The following A2M variants were observed in gnomAD, a reference collection of about 807,000 sequenced individuals.
The protein encoded by A2M is C3 and PZP-like alpha-2-macroglobulin domain-containing protein 5.
A neutral mutation model predicts 183.9 loss-of-function variants in A2M; 128 were observed. The ratio of observed to expected loss-of-function variants is 0.70; its 90% confidence interval spans 0.60 to 0.81. The LOEUF (loss-of-function observed/expected upper bound fraction) is 0.81. Ranked by LOEUF, A2M falls within the 30% of genes least tolerant of loss-of-function variation. The pLI, the probability that A2M is intolerant of heterozygous loss-of-function variation, is 0.00. For synonymous variants in A2M, 592 were observed against 670.8 expected, an observed-to-expected ratio of 0.88 and a Z score of 1.81; for missense variants, 1,495 against 1,787.6, an observed-to-expected ratio of 0.84 and a Z score of 2.95.
chr12:9,114,391 G>T (rs1269075224), intron 1 of A2M, among the ~76,000 whole-genome samples: 1 of 152,046 alleles, frequency 6.6e-6, no homozygotes, highest in African/African-American at 2.4e-5. Context: ...ATGATTTTAA[G>T]TAATAGCAAA....
chr12:9,093,922 A>C (rs750756270), intron 17 of A2M, among the ~76,000 whole-genome samples: 6 of 152,128 alleles, frequency 3.9e-5, no homozygotes, highest in South Asian at 2.1e-4. Flanking sequence ...CAAACAACAA[A>C]AAAAAACAAG....
chr12:9,079,943 G>C (rs1421698223), intron 23 of A2M, 128 bp from the exon 24 acceptor site: 2 of 1,057,444 alleles, frequency 1.9e-6, no homozygotes, highest in South Asian at 2.2e-5. Flanking sequence ...TCCAGGGATA[G>C]AAGTATGATT....
chr12:9,090,408 G>C lies in A2M; in HGVS notation c.2544C>G (p.Ile848Met), dbSNP rs1229199892. ...ACACAGTTTGCCGCCCGTTTGCACA[G>C]ATGCAGTGAGGCGCTTGTTCCTTCT... ...PVEKEQAPHC[I>M]CANGRQTVSW... The change falls in exon 20 of 36, where the codon ATC becomes ATG. Residue 848 changes from isoleucine (I) to methionine (M), a missense_variant. Transcript: ENST00000318602. 1.2e-6 allele frequency: 2 copies of C among 1,613,912 alleles called. No homozygotes were observed. The highest frequency in any genetic ancestry group is 1.7e-6 in the Non-Finnish European group (2 of 1,179,898).
intron 17 of A2M, 94 bp from the exon 18 acceptor site, chr12:9,093,673 A>T (rs11048885): frequency 1.4e-6 from 1 of 707,092 alleles, no homozygotes; most frequent in Non-Finnish European, 2.2e-6. Context: ...AAAACAAAAA[A>T]CAAATCGTCT....
At chr12:9,107,429 A>G (rs1375160440) in intron 8 of A2M, 95 bp downstream of exon 8, 1 of 1,449,298 alleles carries the variant, frequency 6.9e-7, no homozygotes, top group Non-Finnish European at 9.4e-7. Flanking sequence ...TCTCTTCTAG[A>G]TTGTTCTCTT....
At chr12:9,109,706 C>T (rs1350633142) in intron 6 of A2M, among the ~76,000 whole-genome samples, 161 bp downstream of exon 6, 3 of 152,160 alleles carry the variant, frequency 2.0e-5, no homozygotes, top group Non-Finnish European at 4.4e-5. Flanking sequence ...GTCCTATTCA[C>T]AGATCACTGA....
In A2M at chr12:9,105,546, T is replaced by C. The variant is rs1028220848; in HGVS notation, c.1104+690A>G. On this transcript the variant is annotated intron_variant, in intron 10 of 35. Transcript: ENST00000318602. The stretch of plus-strand genomic sequence containing the variant: ...GAAAATGATACACAGTAAATACACA[T>C]TGAGGCACATGTAACTGTGATCTCA... Among the ~76,000 whole-genome samples, 5 of 152,154 alleles carry C rather than the reference T, an allele frequency of 3.3e-5. No homozygotes were observed. In the South Asian group the frequency reaches 8.3e-4, roughly 25 times the overall value.
chr12:9,076,979 G>T, intron 27 of A2M, 43 bp from the exon 28 acceptor site: 1 of 1,494,530 alleles, frequency 6.7e-7, no homozygotes, highest in Non-Finnish European at 8.9e-7. Flanking sequence ...ATGTAAACAG[G>T]CATATTAGCA....
chr12:9,087,992 A>G (rs1190262648), intron 22 of A2M, among the ~76,000 whole-genome samples: 2 of 152,166 alleles, frequency 1.3e-5, no homozygotes, highest in East Asian at 3.9e-4. Flanking sequence ...ACTAAGCAGA[A>G]TTGTGATGTA....
intron 25 of A2M, among the ~76,000 whole-genome samples, chr12:9,079,035 A>C (rs921731615): frequency 4.6e-5 from 7 of 152,060 alleles, no homozygotes; most frequent in African/African-American, 1.7e-4. Flanking sequence ...TATTAATAGG[A>C]TCCATTTTGG....
intron 22 of A2M, among the ~76,000 whole-genome samples, chr12:9,081,502 G>A (rs7968640): frequency 0.38 from 57,358 of 152,062 alleles, 11,535 homozygotes; most frequent in African/African-American, 0.49. Flanking sequence ...AGTCCAACTA[G>A]CTGCTATCCA....
chr12:9,095,268 T>C (rs1033842528), intron 16 of A2M, among the ~76,000 whole-genome samples, 184 bp from the exon 17 acceptor site: 6 of 152,228 alleles, frequency 3.9e-5, no homozygotes, highest in African/African-American at 1.4e-4. Context: ...TTAAACTCTT[T>C]CAACAGTAAT....
In A2M at chr12:9,077,430, CGA is replaced by C. The variant is rs1171332762; in HGVS notation, c.3277-12_3277-11del. 2.5e-6 allele frequency: 4 copies of C among 1,608,282 alleles called. No individual in the cohort carries two copies. The highest frequency in any genetic ancestry group is 2.2e-5 in the East Asian group (1 of 44,834). On this transcript the variant is annotated splice_polypyrimidine_tract_variant and intron_variant, in intron 26 of 35. Transcript: ENST00000318602. ...CATCTTCTACTCCTCCCTGTGAATA[CGA>C]GAGAGAGATCTGAATAATTCAACTT...
upstream of A2M, chr12:9,115,984 C>T: frequency 1.3e-6 from 1 of 743,774 alleles, no homozygotes; most frequent in South Asian, 1.5e-5. Context: ...TCCACCCACA[C>T]AAGATCTCTA....
At chr12:9,070,347 G>T in intron 32 of A2M, 141 bp downstream of exon 32, 1 of 648,626 alleles carries the variant, frequency 1.5e-6, no homozygotes, top group Non-Finnish European at 2.7e-6. Flanking sequence ...AAACACATGT[G>T]ATTATATTTC....
chr12:9,107,714 C>T, intron 7 of A2M, 70 bp from the exon 8 acceptor site: 1 of 1,569,638 alleles, frequency 6.4e-7, no homozygotes, highest in Admixed American at 1.7e-5. Context: ...CTATTTATAT[C>T]TCCCCTTTAG....
intron 28 of A2M, 70 bp from the exon 29 acceptor site, chr12:9,074,853 A>G: frequency 6.8e-7 from 1 of 1,463,164 alleles, no homozygotes; most frequent in Non-Finnish European, 9.3e-7. Flanking sequence ...AAAGTACCCA[A>G]GCCAGTGCTG....
Position 9,078,330 on chromosome 12 carries a change from G to A in A2M, c.3120-473C>T, listed in dbSNP as rs138797473. Among the ~76,000 whole-genome samples the A allele has an allele frequency of 1.0e-2, 1,518 of 152,228 alleles. 20 individuals carry two copies. Among genetic ancestry groups the A allele is most frequent in the South Asian group, 0.028 (135 of 4,826 alleles). On this transcript the variant is annotated intron_variant, in intron 25 of 35. Coordinates refer to ENST00000318602, the MANE Select transcript of A2M (RefSeq NM_000014.6). ...CCTGTGTTAGTTTGCTGAGGCTGAT[G>A]GCTTCCAGCTTCATCCATGTCCCTG...
chr12:9,110,425 A>C (rs1050105172), intron 4 of A2M, 91 bp from the exon 5 acceptor site: 13 of 731,152 alleles, frequency 1.8e-5, no homozygotes, highest in Admixed American at 3.2e-5. Context: ...TTGCTAGCAT[A>C]ACAGGGTGAG....
Sources: allele counts gnomAD v4.1 joint callset (sites outside exome capture counted in the v4.1 genomes callset), GRCh38; gene constraint gnomAD v4.1.1; transcripts MANE v1.5; gene names NCBI Gene and HGNC (gene_info 2026-07-23, HGNC 2026-07-21).